Variants in EHMT1 observed in about 807,000 individuals in gnomAD.
EHMT1 encodes histone-lysine N-methyltransferase EHMT1.
EHMT1 carries 15 observed loss-of-function variants against 147.2 expected under a neutral mutation model. The observed-to-expected ratio is 0.10, with a 90% CI of 0.07 to 0.16. EHMT1 has a LOEUF of 0.16. Among genes scored for constraint, EHMT1 ranks in the 10% least tolerant of loss-of-function variants. EHMT1 has a pLI of 1.00. For missense variants in EHMT1, 1,587 were observed against 1,772.4 expected, an observed-to-expected ratio of 0.90 and a Z score of 1.88; for synonymous variants, 795 against 709.6, an observed-to-expected ratio of 1.12 and a Z score of -1.91.
intron 18 of EHMT1, among the ~76,000 whole-genome samples, chr9:137,810,034 C>T (rs1365467074): frequency 8.7e-6 from 1 of 115,108 alleles, no homozygotes; most frequent in Non-Finnish European, 1.6e-5. Flanking sequence ...GGTCCGGAGG[C>T]GGTTCCGATG....
Position 137,782,432 on chromosome 9 carries a change from C to T in EHMT1, c.2382+35C>T, listed in dbSNP as rs1053678794. 2.6e-6 allele frequency: 4 copies of T among 1,551,896 alleles called. No individual in the cohort carries two copies. The highest frequency in any genetic ancestry group is 1.8e-5 in the Admixed American group (1 of 55,822). On this transcript the variant is annotated intron_variant, in intron 15 of 26. Transcript: ENST00000460843. This position sits in a 1 kb window ranked among gnomAD's most constrained non-coding sequence, Gnocchi z 5.7. ...CACGGCGCCCTCCTAGGGCTCTTCACCTGCTCTCTTTTATTTTTACCAAAG... is the reference window on the plus strand; with the variant it reads ...CACGGCGCCCTCCTAGGGCTCTTCATCTGCTCTCTTTTATTTTTACCAAAG...
At chr9:137,812,248 G>A (rs897401409) in intron 19 of EHMT1, among the ~76,000 whole-genome samples, 5 of 152,308 alleles carry the variant, frequency 3.3e-5, no homozygotes, top group Middle Eastern at 3.4e-3. Flanking sequence ...TGAGGCAGGC[G>A]AATCGCTTGA....
chr9:137,814,161 C>T (rs1014608270), intron 21 of EHMT1: 1 of 549,230 alleles, frequency 1.8e-6, no homozygotes, highest in South Asian at 1.9e-5. Flanking sequence ...CCCAGCCCTT[C>T]ACCCACCCCA....
rs546495749 is a variant in EHMT1 at position 137,755,078 on chromosome 9, C to T, written c.1369+787C>T. On this transcript the variant is annotated intron_variant, in intron 8 of 26. Transcript: ENST00000460843. ...GGGCCGTTTTTGTTTCCAGCTTAAC[C>T]GAGGTGCACCTGGCATCCAATAAAA... is the stretch of plus-strand genomic sequence containing the variant. 1.2e-4 allele frequency among the ~76,000 whole-genome samples: 18 copies of T among 152,318 alleles called. No homozygotes were observed. The South Asian group carries it at 3.1e-3, about 26-fold the overall frequency.
chr9:137,706,400 C>G (rs1341521658), intron 1 of EHMT1, among the ~76,000 whole-genome samples: 2 of 152,194 alleles, frequency 1.3e-5, no homozygotes, highest in African/African-American at 4.8e-5. Context: ...TTTTGTTTTG[C>G]TTAGATCAAG....
chr9:137,664,882 G>C (rs1021085532), intron 1 of EHMT1: 2 of 152,204 alleles, frequency 1.3e-5, no homozygotes, highest in Non-Finnish European at 2.9e-5. Context: ...GCTCTTGGCT[G>C]GGCGGAACCT....
intron 25 of EHMT1, among the ~76,000 whole-genome samples, chr9:137,819,816 A>T (rs1421949209): frequency 2.0e-5 from 3 of 151,544 alleles, no homozygotes; most frequent in Non-Finnish European, 4.4e-5. Context: ...CAGGCGCTAG[A>T]ATCTTGTGTG....
intron 16 of EHMT1, among the ~76,000 whole-genome samples, chr9:137,795,641 G>C (rs912307675): frequency 1.3e-5 from 2 of 151,028 alleles, no homozygotes; most frequent in South Asian, 2.2e-4. Flanking sequence ...TTGTTTGTTT[G>C]TTTTTAACCT....
rs71493689 is a variant in EHMT1 at position 137,671,520 on chromosome 9, CTTTT to C, written c.22-39429_22-39426del. Among the ~76,000 whole-genome samples the C allele has an allele frequency of 2.1e-4, 22 of 105,330 alleles. No individual in the cohort carries two copies. The East Asian group carries it at 4.8e-3, about 23-fold the overall frequency. 69.1% of individuals were successfully genotyped at this position (105,330 alleles called of 152,430 possible). A position where few individuals can be genotyped will look rare whatever the true frequency, so the allele number is the denominator to read the frequency against. On this transcript the variant is annotated intron_variant, in intron 1 of 26. Coordinates refer to ENST00000460843, the MANE Select transcript of EHMT1 (RefSeq NM_024757.5). ...CCCGAAGAGTTGGATCCTTTTCTTT[CTTTT>C]TTTTTTTTTTTTTTTTTCGAGACAG...
intron 14 of EHMT1, among the ~76,000 whole-genome samples, chr9:137,780,355 TGTG>T (rs138515965): frequency 0.012 from 1,487 of 124,668 alleles, 34 homozygotes; most frequent in African/African-American, 0.02. Flanking sequence ...CGCTGAGACG[TGTG>T]GTGATGACGC....
At chr9:137,633,058 G>A in intron 1 of EHMT1, among the ~76,000 whole-genome samples, 1 of 152,324 alleles carries the variant, frequency 6.6e-6, no homozygotes, top group Admixed American at 6.5e-5. Flanking sequence ...TTATGTGGCA[G>A]ATGAGGAGGG....
chr9:137,747,972 T>C (rs534391154), intron 6 of EHMT1: 1 of 152,352 alleles, frequency 6.6e-6, no homozygotes, highest in East Asian at 1.9e-4. Flanking sequence ...GAATGCATTC[T>C]TTCTTTTTTT....
chr9:137,699,549 C>T (rs1450266648), intron 1 of EHMT1, among the ~76,000 whole-genome samples: 1 of 152,116 alleles, frequency 6.6e-6, no homozygotes, highest in Non-Finnish European at 1.5e-5. Context: ...TTGCCATGCG[C>T]CTATAATCCC....
At chr9:137,703,599 T>C (rs1262915006) in intron 1 of EHMT1, among the ~76,000 whole-genome samples, 1 of 152,152 alleles carries the variant, frequency 6.6e-6, no homozygotes, top group Non-Finnish European at 1.5e-5. Context: ...TGCTAAAGCA[T>C]AGCAAGAGTG....
chr9:137,816,684 A>G, intron 23 of EHMT1: 1 of 166,026 alleles, frequency 6.0e-6, no homozygotes, highest in Non-Finnish European at 1.3e-5. Flanking sequence ...CATAAGGGAA[A>G]GTTATGCACA....
At chr9:137,795,819 TAA>T (rs1952895023) in intron 16 of EHMT1, among the ~76,000 whole-genome samples, 1 of 151,720 alleles carries the variant, frequency 6.6e-6, no homozygotes, top group African/African-American at 2.4e-5. Flanking sequence ...AGAAGACCAG[TAA>T]AGACGAATAT....
Position 137,675,697 on chromosome 9 carries a change from C to G in EHMT1, c.22-35270C>G, listed in dbSNP as rs1038629851. 3.4e-4 allele frequency among the ~76,000 whole-genome samples: 51 copies of G among 149,252 alleles called. 2 individuals carry two copies. In the East Asian group the frequency reaches 5.1e-3, roughly 15 times the overall value. ...CACCAGGCTGGCTCACTGCAACCTC[C>G]ACCTCCCGGGTTCAAGCGATTCTCC... On this transcript the variant is annotated intron_variant, in intron 1 of 26. Transcript: ENST00000460843.
intron 10 of EHMT1, among the ~76,000 whole-genome samples, chr9:137,772,656 C>T (rs907039441): frequency 1.6e-4 from 24 of 152,366 alleles, no homozygotes; most frequent in African/African-American, 5.0e-4. Context: ...GTACCTGTTT[C>T]AGCTGCTTTC....
At chr9:137,684,899 T>A (rs769127336) in intron 1 of EHMT1, among the ~76,000 whole-genome samples, 9 of 152,222 alleles carry the variant, frequency 5.9e-5, no homozygotes, top group Admixed American at 5.9e-4. Flanking sequence ...GTTTTTTTAC[T>A]CCACAAGTTA....
Sources: gnomAD v4.1 joint callset for allele counts (sites outside exome capture counted in the v4.1 genomes callset) on GRCh38, gnomAD v4.1.1 for gene constraint, Gnocchi (gnomAD v3.1) non-coding constraint, MANE v1.5 for transcripts, NCBI Gene and HGNC (gene_info 2026-07-23, HGNC 2026-07-21) for gene names.